The following CDH13 variants were observed in gnomAD, a reference collection of about 807,000 sequenced individuals.
CDH13 encodes cadherin 13.
Under a neutral mutation model 63.8 loss-of-function variants are expected in CDH13, and 24 were observed. The observed-to-expected ratio is 0.38, with a 90% confidence interval of 0.27 to 0.53. CDH13 has a LOEUF of 0.53. Among genes scored for constraint, CDH13 ranks in the 20% least tolerant of loss-of-function variants. The probability of loss-of-function intolerance (pLI) is 0.85; values close to 1 mark genes in which losing one functional copy is unlikely to be tolerated. For synonymous variants in CDH13, 503 were observed against 355.3 expected, an observed-to-expected ratio of 1.42 and a Z score of -4.67; for missense variants, 1,049 against 903.1, an observed-to-expected ratio of 1.16 and a Z score of -2.07.
intron 4 of CDH13, among the ~76,000 whole-genome samples, chr16:83,212,526 G>C (rs550487896): frequency 6.6e-6 from 1 of 152,282 alleles, no homozygotes; most frequent in African/African-American, 2.4e-5. Context: ...AACCAACTCT[G>C]CTTTCTGAGG....
At chr16:83,321,471 G>A (rs548002888) in intron 5 of CDH13, among the ~76,000 whole-genome samples, 133 of 151,296 alleles carry the variant, frequency 8.8e-4, no homozygotes, top group African/African-American at 3.0e-3. Context: ...TAAAGACAAC[G>A]ACTAGGCTGT....
chr16:82,947,020 G>A (rs1473905029), intron 2 of CDH13, among the ~76,000 whole-genome samples: 1 of 150,490 alleles, frequency 6.6e-6, no homozygotes, highest in Admixed American at 6.6e-5. Flanking sequence ...GTGTGTGTGT[G>A]TGTGTGTGTG....
intron 8 of CDH13, among the ~76,000 whole-genome samples, chr16:83,648,471 GT>G (rs1461785514): frequency 6.6e-6 from 1 of 152,068 alleles, no homozygotes; most frequent in East Asian, 1.9e-4. Flanking sequence ...GGTGTCCATG[GT>G]TCCTGCCACC....
chr16:83,308,839 A>G (rs55789613), intron 5 of CDH13, among the ~76,000 whole-genome samples: 4,206 of 152,312 alleles, frequency 0.028, 176 homozygotes, highest in African/African-American at 0.093. Flanking sequence ...GTTGAAGTTG[A>G]AACAGAAGTT....
chr16:83,709,953 T>G (rs1330709028), intron 10 of CDH13, among the ~76,000 whole-genome samples: 1 of 149,914 alleles, frequency 6.7e-6, no homozygotes, highest in Non-Finnish European at 1.5e-5. Flanking sequence ...TCCTTCAGAG[T>G]CTTGGATTTC....
chr16:83,372,513 G>A (rs1416230647), intron 6 of CDH13, among the ~76,000 whole-genome samples: 8 of 151,986 alleles, frequency 5.3e-5, no homozygotes, highest in African/African-American at 1.9e-4. Flanking sequence ...TAGCACTTTG[G>A]GAAGCTGAGG....
intron 6 of CDH13, among the ~76,000 whole-genome samples, chr16:83,479,500 CA>C (rs1180588133): frequency 6.6e-6 from 1 of 151,926 alleles, no homozygotes; most frequent in Admixed American, 6.6e-5. Context: ...ACTAAAAATA[CA>C]AAAAAATTAG....
chr16:83,208,506 ATCT>A (rs1194015597), intron 4 of CDH13, among the ~76,000 whole-genome samples: 3 of 152,184 alleles, frequency 2.0e-5, no homozygotes, highest in Admixed American at 1.3e-4. Context: ...AGTAGAAAAC[ATCT>A]TCTAAATTAG....
intron 6 of CDH13, among the ~76,000 whole-genome samples, chr16:83,379,314 C>A (rs1236676222): frequency 6.6e-6 from 1 of 152,160 alleles, no homozygotes; most frequent in Non-Finnish European, 1.5e-5. Context: ...GTCCTGGGTG[C>A]TGTTGACTCT....
intron 5 of CDH13, among the ~76,000 whole-genome samples, chr16:83,288,340 A>G (rs1463679240): frequency 1.3e-5 from 2 of 152,208 alleles, no homozygotes; most frequent in East Asian, 1.9e-4. Context: ...TTAATAATGG[A>G]AGAGCAAAGA....
At chr16:83,188,699 T>C (rs2038603530) in intron 4 of CDH13, among the ~76,000 whole-genome samples, 1 of 152,252 alleles carries the variant, frequency 6.6e-6, no homozygotes, top group African/African-American at 2.4e-5. Flanking sequence ...ATTATTAAGT[T>C]TCCTATAAAC....
chr16:82,961,519 C>T (rs546040813), intron 2 of CDH13, among the ~76,000 whole-genome samples: 1 of 146,618 alleles, frequency 6.8e-6, no homozygotes, highest in African/African-American at 2.6e-5. Context: ...GAAGCCCCTA[C>T]TGTCTTTATC....
At chr16:83,002,972 C>G (rs575362859) in intron 2 of CDH13, among the ~76,000 whole-genome samples, 1 of 152,280 alleles carries the variant, frequency 6.6e-6, no homozygotes, top group East Asian at 1.9e-4. Flanking sequence ...GACATTCTTG[C>G]AAAAGCCTGG....
chr16:83,433,710 A>T (rs1036690179), intron 6 of CDH13, among the ~76,000 whole-genome samples: 1 of 152,208 alleles, frequency 6.6e-6, no homozygotes, highest in African/African-American at 2.4e-5. Flanking sequence ...CAAATGTGGC[A>T]AACAGGCTGA....
intron 4 of CDH13, among the ~76,000 whole-genome samples, chr16:83,173,450 C>T (rs1418931172): frequency 1.3e-5 from 2 of 151,960 alleles, no homozygotes; most frequent in Non-Finnish European, 2.9e-5. Context: ...AACCGTGGGT[C>T]TCTTTTTATT....
In CDH13 at chr16:82,781,761, T is replaced by C. The variant is rs981806312; in HGVS notation, c.46-76601T>C. Among the ~76,000 whole-genome samples the C allele has an allele frequency of 2.6e-5, 4 of 152,316 alleles. No individual in the cohort carries two copies. The East Asian group carries it at 7.7e-4, about 29-fold the overall frequency. ...CCACTCATCCTTAAACAAAAATCAG[T>C]TGGCAAAACTGTAAGCATTGGTAAT... On this transcript the variant is annotated intron_variant, in intron 1 of 13. Transcript: ENST00000567109.
Position 83,252,107 on chromosome 16 carries a change from TACAC to T in CDH13, c.636+34630_636+34633del, listed in dbSNP as rs149781230. Among the ~76,000 whole-genome samples the T allele has an allele frequency of 6.9e-4, 94 of 135,936 alleles. 1 individual carries two copies. Among genetic ancestry groups the T allele is most frequent in the South Asian group, 2.1e-3 (9 of 4,332 alleles). 89.2% of individuals were successfully genotyped at this position (135,936 alleles called of 152,430 possible). On this transcript the variant is annotated intron_variant, in intron 5 of 13. Coordinates refer to ENST00000567109, the MANE Select transcript of CDH13 (RefSeq NM_001257.5). ...TATGTATATATGTATATATATATTA[TACAC>T]ACACACACACACACACACATATATA...
chr16:83,122,034 T>C (rs2035606673), intron 3 of CDH13, among the ~76,000 whole-genome samples: 1 of 152,012 alleles, frequency 6.6e-6, no homozygotes, highest in Non-Finnish European at 1.5e-5. Flanking sequence ...AATGAAACTA[T>C]CATTTATCAC....
intron 1 of CDH13, chr16:82,825,364 T>G (rs1293701878): frequency 1.3e-5 from 2 of 152,146 alleles, no homozygotes; most frequent in Non-Finnish European, 2.9e-5. Flanking sequence ...CTGCTTTGTA[T>G]TGTGCCATCT....
Sources: allele counts gnomAD v4.1 joint callset (sites outside exome capture counted in the v4.1 genomes callset), GRCh38; gene constraint gnomAD v4.1.1; transcripts MANE v1.5; gene names NCBI Gene and HGNC (gene_info 2026-07-23, HGNC 2026-07-21).